ABHD8: variants seen among roughly 807,000 people sequenced by gnomAD.
ABHD8 encodes the protein abhydrolase domain containing 8.
Under a neutral mutation model 29.3 loss-of-function variants are expected in ABHD8, and 10 were observed. That is an observed-to-expected ratio of 0.34 (90% CI 0.21 to 0.58). The LOEUF (loss-of-function observed/expected upper bound fraction) is 0.58. Ranked by LOEUF, ABHD8 falls within the 20% of genes least tolerant of loss-of-function variation. The pLI, the probability that ABHD8 is intolerant of heterozygous loss-of-function variation, is 0.85. For missense variants in ABHD8, 556 were observed against 615.3 expected (o/e 0.90, Z 1.02); for synonymous variants, 282 against 274.6 (o/e 1.03, Z -0.27).
At chr19:17,293,454 G>C (rs1390964342) in intron 4 of ABHD8, among the ~76,000 whole-genome samples, 1 of 94,300 alleles carries the variant, frequency 1.1e-5, no homozygotes, top group African/African-American at 3.7e-5. Context: ...ATCATTCTTT[G>C]CTGGGGGGGC....
chr19:17,293,260 T>C (rs1016478796), intron 4 of ABHD8, among the ~76,000 whole-genome samples: 3 of 151,808 alleles, frequency 2.0e-5, no homozygotes, highest in Admixed American at 6.6e-5. Context: ...TACACCCGGC[T>C]AATTTTTTGT....
Position 17,292,685 on chromosome 19 carries a change from C to T in ABHD8, c.1296G>A (p.Pro432=). ...GCTACTTCTTGTCTTCTGGAGGCGCCGGCAGTGGCTCCGGTAGAGCCTTGG... is the reference window on the plus strand; with the variant it reads ...GCTACTTCTTGTCTTCTGGAGGCGCTGGCAGTGGCTCCGGTAGAGCCTTGG... ...PSPKALPEPL[P]APPEDKK The change falls in exon 5 of 5, where the codon CCG becomes CCA. Residue 432 remains proline, a synonymous_variant. Transcript: ENST00000247706. 6.2e-7 allele frequency: 1 copy of T among 1,611,646 alleles called. No individual in the cohort carries two copies. Among genetic ancestry groups the T allele is most frequent in the African/African-American group, 1.3e-5 (1 of 75,006 alleles).
chr19:17,297,519 C>T (rs1402790474), intron 2 of ABHD8, among the ~76,000 whole-genome samples: 10 of 152,132 alleles, frequency 6.6e-5, no homozygotes, highest in Admixed American at 5.2e-4. Context: ...TGGTCTTGAA[C>T]TCCTGACCTT....
At chr19:17,300,624 C>T (rs1045964709) in intron 2 of ABHD8, among the ~76,000 whole-genome samples, 3 of 152,158 alleles carry the variant, frequency 2.0e-5, no homozygotes, top group South Asian at 2.1e-4. Context: ...ACTACAGGCG[C>T]GTGCCACCAC....
chr19:17,301,671 C>T, intron 1 of ABHD8, 47 bp from the exon 2 acceptor site: 1 of 1,485,192 alleles, frequency 6.7e-7, no homozygotes, highest in Non-Finnish European at 8.9e-7. Context: ...TCAATGAGAA[C>T]CCTGCACCGT....
Position 17,294,857 on chromosome 19 carries a change from G to A in ABHD8, c.762-12C>T, listed in dbSNP as rs755088688. 1.9e-5 allele frequency: 30 copies of A among 1,610,978 alleles called. No individual in the cohort carries two copies. In the Admixed American group the frequency reaches 3.8e-4, roughly 21 times the overall value. The stretch of plus-strand genomic sequence containing the variant: ...TGCAGAAAGAGACACTGCCCGGAAC[G>A]GGTGGGGTGATAGGAGGATTGAAGG... On this transcript the variant is annotated splice_polypyrimidine_tract_variant and intron_variant, in intron 2 of 4. Coordinates refer to ENST00000247706, the MANE Select transcript of ABHD8 (RefSeq NM_024527.5).
In ABHD8 at chr19:17,301,155, G is replaced by A; in HGVS notation, c.462C>T (p.Pro154=). 3.7e-6 allele frequency: 6 copies of A among 1,611,408 alleles called. No homozygotes were observed. Among genetic ancestry groups the A allele is most frequent in the Non-Finnish European group, 5.1e-6 (6 of 1,179,672 alleles). The change falls in exon 2 of 5, where the codon CCC becomes CCT. Residue 154 remains proline, a synonymous_variant. Transcript: ENST00000247706. ...CACAGTCAATATGGATGGTCCTCTT[G>A]GGGCGCCTGGCTCGCCGCCGCCGCC... The part of the protein sequence containing the change: ...SGGRRRRARR[P]KRTIHIDCEK...
chr19:17,299,243 C>CCCA (rs1555720805), intron 2 of ABHD8, among the ~76,000 whole-genome samples: 1 of 148,644 alleles, frequency 6.7e-6, no homozygotes, highest in Non-Finnish European at 1.5e-5. Context: ...GACCCCCCCC[C>CCCA]CATTCTCTAT....
chr19:17,292,578 G>A lies in ABHD8; in HGVS notation c.*83C>T. 7.0e-7 allele frequency: 1 copy of A among 1,422,194 alleles called. No homozygotes were observed. Among genetic ancestry groups the A allele is most frequent in the Non-Finnish European group, 9.3e-7 (1 of 1,078,594 alleles). 88.1% of individuals were successfully genotyped at this position (1,422,194 alleles called of 1,614,324 possible). A position where few individuals can be genotyped will look rare whatever the true frequency, so the allele number is the denominator to read the frequency against. The stretch of plus-strand genomic sequence containing the variant: ...CCGGAGCGAACGGCCCGCCCAGGTG[G>A]TCTGCGCTGCAGACCTGGCGCAGGC... On this transcript the variant is annotated 3_prime_UTR_variant, in exon 5 of 5. Coordinates refer to ENST00000247706, the MANE Select transcript of ABHD8 (RefSeq NM_024527.5).
chr19:17,294,912 C>T (rs1024854278), intron 2 of ABHD8, 67 bp from the exon 3 acceptor site: 3 of 1,557,348 alleles, frequency 1.9e-6, no homozygotes, highest in Admixed American at 1.8e-5. Flanking sequence ...AAGCAGTGAC[C>T]ATTTTGTTTT....
intron 2 of ABHD8, chr19:17,297,694 G>C (rs1032911791): frequency 1.3e-5 from 2 of 150,600 alleles, no homozygotes; most frequent in Non-Finnish European, 3.0e-5. Context: ...TTACCTCTCA[G>C]TCTAGATTCC....
At chr19:17,293,962 A>G (rs1354259617) in intron 4 of ABHD8, among the ~76,000 whole-genome samples, 2 of 152,084 alleles carry the variant, frequency 1.3e-5, no homozygotes, top group Non-Finnish European at 2.9e-5. Flanking sequence ...CCGGTCTTCT[A>G]GAATTATATA....
chr19:17,302,573 A>G (rs2074125713), intron 1 of ABHD8, among the ~76,000 whole-genome samples: 1 of 152,190 alleles, frequency 6.6e-6, no homozygotes, highest in African/African-American at 2.4e-5. Flanking sequence ...AGCCTTGCTC[A>G]GCTCCCCTAG....
intron 3 of ABHD8, 38 bp downstream of exon 3, chr19:17,294,637 A>T (rs1295108072): frequency 6.2e-7 from 1 of 1,609,484 alleles, no homozygotes; most frequent in African/African-American, 1.3e-5. Flanking sequence ...TGGGTTCGCC[A>T]GGGCCAGGAT....
chr19:17,301,454 C>A lies in ABHD8; in HGVS notation c.163G>T (p.Ala55Ser), dbSNP rs2145660191. Residue 55 changes from alanine (A) to serine (S), a missense_variant, in exon 2 of 5, where the codon GCT (alanine) becomes TCT (serine). This residue lies in a region of ABHD8 where 286 missense variants were observed against 261.4 expected (regional missense o/e 1.09). Coordinates refer to ENST00000247706, the MANE Select transcript of ABHD8 (RefSeq NM_024527.5). ...GCGGATGATGGTGGAGGTGGGGCAG[C>A]GGCTGGGGCGGGTCCTGCATGCTTC... ...RVKHAGPAPA[A>S]APPPPSSASS... The A allele has an allele frequency of 1.2e-6, 2 of 1,611,584 alleles. No individual in the cohort carries two copies. The highest frequency in any genetic ancestry group is 1.7e-4 in the Middle Eastern group (1 of 6,014).
At chr19:17,297,364 C>T (rs1357963230) in intron 2 of ABHD8, among the ~76,000 whole-genome samples, 2 of 152,012 alleles carry the variant, frequency 1.3e-5, no homozygotes, top group Non-Finnish European at 2.9e-5. Context: ...GGTGCGATCT[C>T]GGCTCACTGC....
At chr19:17,300,757 C>T (rs71338623) in intron 2 of ABHD8, 99 bp downstream of exon 2, 25,923 of 1,415,706 alleles carry the variant, frequency 0.018, 388 homozygotes, top group East Asian at 0.079. Flanking sequence ...GGATTACAGG[C>T]GTGAGCCACG....
In ABHD8 at chr19:17,292,544, C is replaced by T; in HGVS notation, c.*117G>A. On this transcript the variant is annotated 3_prime_UTR_variant, in exon 5 of 5. Transcript: ENST00000247706. Reference sequence around the variant, plus strand: ...GCCTGGGGGCGTCTCCCTGACCTGGCCCCGCCCACCGGAGCGAACGGCCCG... The same window carrying T: ...GCCTGGGGGCGTCTCCCTGACCTGGTCCCGCCCACCGGAGCGAACGGCCCG... The T allele has an allele frequency of 1.6e-6, 2 of 1,258,134 alleles. No homozygotes were observed. The highest frequency in any genetic ancestry group is 1.6e-5 in the African/African-American group (1 of 63,852). The allele number at this position is 1,258,134 out of a possible 1,614,324, so 77.9% of individuals were successfully genotyped here.
At chr19:17,293,226 G>C (rs1188745044) in intron 4 of ABHD8, among the ~76,000 whole-genome samples, 4 of 151,406 alleles carry the variant, frequency 2.6e-5, no homozygotes, top group African/African-American at 9.7e-5. Flanking sequence ...CTCCCAAGTA[G>C]CTGGGATTAC....
Sources: allele counts gnomAD v4.1 joint callset (sites outside exome capture counted in the v4.1 genomes callset), GRCh38; gene constraint gnomAD v4.1.1; regional missense constraint gnomAD v4.1.1; transcripts MANE v1.5; gene names NCBI Gene and HGNC (gene_info 2026-07-23, HGNC 2026-07-21).